Variants in TACC2 observed in about 807,000 individuals in gnomAD.
TACC2 encodes the protein transforming acidic coiled-coil-containing protein 2.
Under a neutral mutation model 227.3 loss-of-function variants are expected in TACC2, and 137 were observed. That is an observed-to-expected ratio of 0.60 (90% CI 0.52 to 0.69). The LOEUF (loss-of-function observed/expected upper bound fraction) is 0.69. TACC2 is among the 30% of genes least tolerant of loss of function. The pLI is 0.00. For synonymous variants in TACC2, 1,523 were observed against 1,487.5 expected (o/e 1.02, Z -0.55); for missense variants, 3,470 against 3,694.4 (o/e 0.94, Z 1.57).
At chr10:122,007,303 T>C (rs535598673) in intron 1 of TACC2, among the ~76,000 whole-genome samples, 1 of 152,348 alleles carries the variant, frequency 6.6e-6, no homozygotes, top group South Asian at 2.1e-4. Context: ...ACAATCTTTT[T>C]ATTCCTCCTT....
chr10:122,056,424 C>T (rs2076218711), intron 3 of TACC2, among the ~76,000 whole-genome samples: 1 of 152,226 alleles, frequency 6.6e-6, no homozygotes, highest in Admixed American at 6.5e-5. Context: ...ATCTGCCCAC[C>T]TCAGCCTCCC....
intron 7 of TACC2, among the ~76,000 whole-genome samples, chr10:122,193,365 G>A (rs1331217523): frequency 4.6e-5 from 7 of 152,192 alleles, no homozygotes; most frequent in Non-Finnish European, 7.3e-5. Context: ...AGGTCCCAGT[G>A]GATAGTGGAG....
At chr10:122,133,635 G>A (rs1189268580) in intron 6 of TACC2, among the ~76,000 whole-genome samples, 3 of 152,144 alleles carry the variant, frequency 2.0e-5, no homozygotes, top group Admixed American at 6.5e-5. Flanking sequence ...AAGCCATGGT[G>A]AATAGGCAGA....
intron 2 of TACC2, among the ~76,000 whole-genome samples, chr10:122,032,054 G>T (rs1434159931): frequency 2.0e-5 from 3 of 152,050 alleles, no homozygotes; most frequent in African/African-American, 4.8e-5. Context: ...GACCCTGATT[G>T]TGTCATGTAC....
At chr10:121,999,011 T>C (rs1205866194) in intron 1 of TACC2, among the ~76,000 whole-genome samples, 4 of 150,042 alleles carry the variant, frequency 2.7e-5, no homozygotes, top group African/African-American at 9.7e-5. Flanking sequence ...TTTCTTTCTT[T>C]CTTTTTTTTT....
chr10:122,057,697 G>A (rs2076348261), intron 3 of TACC2, among the ~76,000 whole-genome samples: 1 of 152,006 alleles, frequency 6.6e-6, no homozygotes, highest in Non-Finnish European at 1.5e-5. Flanking sequence ...GTGGGCACCT[G>A]TAATCCCAGC....
chr10:122,087,821 A>C lies in TACC2; in HGVS notation c.5321A>C (p.Gln1774Pro). 6.4e-7 allele frequency: 1 copy of C among 1,564,124 alleles called. No homozygotes were observed. Among genetic ancestry groups the C allele is most frequent in the Non-Finnish European group, 8.7e-7 (1 of 1,153,888 alleles). The part of the protein sequence containing the change: ...LHGDSPARPQ[Q>P]AKEQPGPERP... Reference sequence around the variant, plus strand: ...GGGGACAGCCCAGCCAGGCCCCAGCAGGCTAAGGAGCAGCCAGGGCCTGAG... The same window carrying C: ...GGGGACAGCCCAGCCAGGCCCCAGCCGGCTAAGGAGCAGCCAGGGCCTGAG... Residue 1774 changes from glutamine (Q) to proline (P), a missense_variant, in exon 4 of 23, where the codon CAG becomes CCG. Transcript: ENST00000369005.
At position 122,205,248 on chromosome 10, in the gene TACC2, G is replaced by C. The variant is rs1227570312; in HGVS notation, c.5972-5149G>C. On this transcript the variant is annotated intron_variant, in intron 8 of 22. Transcript: ENST00000369005. The surrounding 1 kb of genome is among the most constrained non-coding windows in gnomAD (Gnocchi z 4.5). ...GAAGCAGAGGAGCACAGCCCCACCC[G>C]GTGGGGGTTCCTGGGGTCTCTGTGA... is the stretch of plus-strand genomic sequence containing the variant. Among the ~76,000 whole-genome samples the C allele has an allele frequency of 6.6e-6, 1 of 152,116 alleles. No homozygotes were observed. The highest frequency in any genetic ancestry group is 1.5e-5 in the Non-Finnish European group (1 of 68,014).
chr10:122,057,420 C>T (rs1459215324), intron 3 of TACC2, among the ~76,000 whole-genome samples: 2 of 151,888 alleles, frequency 1.3e-5, no homozygotes, highest in African/African-American at 4.8e-5. Context: ...GAGGTGGAGT[C>T]AAAGAATGAG....
Position 122,224,707 on chromosome 10 carries a change from T to A in TACC2, c.7547-19T>A, listed in dbSNP as rs775701167. On this transcript the variant is annotated intron_variant, in intron 11 of 22. Transcript: ENST00000369005. The stretch of plus-strand genomic sequence containing the variant: ...CACCTTTTGTTTTTTTGTGTTTGTG[T>A]TTGTTTTTGTTTTTGCAGAGTTGGA... The A allele has an allele frequency of 6.2e-7, 1 of 1,612,682 alleles. No homozygotes were observed. The highest frequency in any genetic ancestry group is 8.5e-7 in the Non-Finnish European group (1 of 1,178,962).
intron 7 of TACC2, among the ~76,000 whole-genome samples, chr10:122,171,939 A>G (rs919352991): frequency 4.6e-5 from 7 of 152,146 alleles, no homozygotes; most frequent in African/African-American, 1.7e-4. Context: ...GGGATGTTCT[A>G]GAGGTCAGTT....
chr10:122,254,102 C>G lies in TACC2; in HGVS notation c.*46C>G, dbSNP rs374823698. ...ACTTAACTGTTGCGTGCAATATGAC[C>G]GTCGGCACACTGCTGTTCCTCCAGT... On this transcript the variant is annotated 3_prime_UTR_variant, in exon 23 of 23. Transcript: ENST00000369005. The G allele has an allele frequency of 1.4e-6, 2 of 1,476,036 alleles. No individual in the cohort carries two copies. Among genetic ancestry groups the G allele is most frequent in the Non-Finnish European group, 1.9e-6 (2 of 1,054,164 alleles). 91.4% of individuals were successfully genotyped at this position (1,476,036 alleles called of 1,614,324 possible).
chr10:122,120,422 G>C (rs1174480869), intron 5 of TACC2, among the ~76,000 whole-genome samples: 1 of 152,150 alleles, frequency 6.6e-6, no homozygotes, highest in African/African-American at 2.4e-5. Context: ...GGAGGGGAAG[G>C]GTCTTATGCC....
chr10:122,175,538 T>C (rs2093656966), intron 7 of TACC2, among the ~76,000 whole-genome samples: 1 of 152,212 alleles, frequency 6.6e-6, no homozygotes, highest in Non-Finnish European at 1.5e-5. Flanking sequence ...TTTCTCGATG[T>C]AGGCTCAAAA....
At chr10:122,132,913 C>T (rs1234042984) in intron 6 of TACC2, among the ~76,000 whole-genome samples, 179 bp downstream of exon 6, 1 of 152,016 alleles carries the variant, frequency 6.6e-6, no homozygotes, top group Non-Finnish European at 1.5e-5. Flanking sequence ...AGAGTTGGGG[C>T]CTCTTCTTGT....
In TACC2 at chr10:122,204,975, C is replaced by T. The variant is rs146367619; in HGVS notation, c.5972-5422C>T. ...CCTGGGTGCCTTCTTACTTCTTACCCTACCTAGCAAAGCCTCCCCTTAGGT... is the reference window on the plus strand; with the variant it reads ...CCTGGGTGCCTTCTTACTTCTTACCTTACCTAGCAAAGCCTCCCCTTAGGT... On this transcript the variant is annotated intron_variant, in intron 8 of 22. Coordinates refer to ENST00000369005, the MANE Select transcript of TACC2 (RefSeq NM_206862.4). 9.8e-3 allele frequency among the ~76,000 whole-genome samples: 1,491 copies of T among 152,268 alleles called. 32 individuals carry two copies. The highest frequency in any genetic ancestry group is 0.034 in the African/African-American group (1,430 of 41,552).
At chr10:122,176,285 T>A (rs1048425213) in intron 7 of TACC2, among the ~76,000 whole-genome samples, 7 of 151,668 alleles carry the variant, frequency 4.6e-5, no homozygotes, top group African/African-American at 1.7e-4. Context: ...TCTGGCTCTT[T>A]TAATATATGG....
chr10:122,129,246 C>T (rs886539362), intron 5 of TACC2, among the ~76,000 whole-genome samples: 13 of 151,988 alleles, frequency 8.6e-5, no homozygotes, highest in African/African-American at 2.4e-4. Flanking sequence ...TTAGTAGAGA[C>T]GGGGTTTCAC....
At position 122,223,251 on chromosome 10, in the gene TACC2, T is replaced by G. The variant is rs183765440; in HGVS notation, c.7547-1475T>G. Among the ~76,000 whole-genome samples, 321 of 152,056 alleles carry G rather than the reference T, an allele frequency of 2.1e-3. 1 individual carries two copies. Among genetic ancestry groups the G allele is most frequent in the African/African-American group, 7.3e-3 (301 of 41,462 alleles). ...AGTAGAGATGGGGTTGGCCAGGTTG[T>G]TCTTGAATTCCTGACCTCAAATGAT... On this transcript the variant is annotated intron_variant, in intron 11 of 22. Coordinates refer to ENST00000369005, the MANE Select transcript of TACC2 (RefSeq NM_206862.4).
Sources: gnomAD v4.1 joint callset for allele counts (sites outside exome capture counted in the v4.1 genomes callset) on GRCh38, gnomAD v4.1.1 for gene constraint, Gnocchi (gnomAD v3.1) non-coding constraint, MANE v1.5 for transcripts, NCBI Gene and HGNC (gene_info 2026-07-23, HGNC 2026-07-21) for gene names.